The following ADORA2B variants were observed in gnomAD, a reference collection of about 807,000 sequenced individuals.
ADORA2B encodes the protein adenosine receptor A2b.
A neutral mutation model predicts 20.8 loss-of-function variants in ADORA2B; 18 were observed. That is an observed-to-expected ratio of 0.87 (90% CI 0.60 to 1.29). The LOEUF (loss-of-function observed/expected upper bound fraction) is 1.29, where lower values mean the gene tolerates loss of function less well. Ranked by LOEUF, ADORA2B falls within the 50% of genes most tolerant of loss-of-function variation. The probability of loss-of-function intolerance (pLI) is 0.00; values close to 1 mark genes in which losing one functional copy is unlikely to be tolerated. For synonymous variants in ADORA2B, 179 were observed against 178.3 expected, an observed-to-expected ratio of 1.00 and a Z score of -0.03; for missense variants, 441 against 422.7, an observed-to-expected ratio of 1.04 and a Z score of -0.38.
the ADORA2B span, among the ~76,000 whole-genome samples, chr17:15,873,750 T>G: frequency 6.6e-6 from 1 of 152,154 alleles, no homozygotes; most frequent in Non-Finnish European, 1.5e-5. Context: ...ACAATAAATG[T>G]TGGCGTGGAT....
chr17:15,935,763 G>T, the ADORA2B span, among the ~76,000 whole-genome samples: 2 of 151,074 alleles, frequency 1.3e-5, no homozygotes, highest in Non-Finnish European at 2.9e-5. Flanking sequence ...CCTCAAATTG[G>T]ATTATCTCAA....
the ADORA2B span, among the ~76,000 whole-genome samples, chr17:15,857,271 A>G: frequency 6.6e-6 from 1 of 152,202 alleles, no homozygotes; most frequent in Non-Finnish European, 1.5e-5. Context: ...CAGAGGATGT[A>G]TGGAAATGCC....
the ADORA2B span, among the ~76,000 whole-genome samples, chr17:15,881,661 G>C: frequency 6.6e-6 from 1 of 152,216 alleles, no homozygotes; most frequent in Non-Finnish European, 1.5e-5. Context: ...GCACCTCATA[G>C]ACGTGGACTC....
At chr17:15,887,915 C>T in the ADORA2B span, among the ~76,000 whole-genome samples, 4 of 97,416 alleles carry the variant, frequency 4.1e-5, 1 homozygote, top group Non-Finnish European at 5.8e-5. Flanking sequence ...CGTGCCACTG[C>T]ACTCCAGCCT....
At chr17:15,971,482 G>T (rs753346319) in intron 1 of ADORA2B, among the ~76,000 whole-genome samples, 1 of 152,222 alleles carries the variant, frequency 6.6e-6, no homozygotes, top group African/African-American at 2.4e-5. Flanking sequence ...TAAATTATGA[G>T]GCAAGACCTC....
the ADORA2B span, among the ~76,000 whole-genome samples, chr17:15,920,228 G>A: frequency 2.6e-5 from 4 of 152,168 alleles, no homozygotes; most frequent in African/African-American, 7.2e-5. Context: ...GTGCGAAGGC[G>A]GAAGGGAGAG....
Position 15,964,852 on chromosome 17 carries a change from G to A in ADORA2B, c.336-9827G>A, listed in dbSNP as rs1192135797. Among the ~76,000 whole-genome samples, 6 of 152,010 alleles carry A rather than the reference G, an allele frequency of 3.9e-5. No homozygotes were observed. The Middle Eastern group carries it at 0.01, about 259-fold the overall frequency. ...CAAGGTGGGCGAATCACGAGGTCAG[G>A]AGATCGAGACCATCCTGGCTAACAC... On this transcript the variant is annotated intron_variant, in intron 1 of 1. Coordinates refer to ENST00000304222, the MANE Select transcript of ADORA2B (RefSeq NM_000676.4).
chr17:15,863,591 T>G, the ADORA2B span, among the ~76,000 whole-genome samples: 14 of 152,134 alleles, frequency 9.2e-5, no homozygotes, highest in Non-Finnish European at 1.9e-4. Context: ...TGGGCTCAGG[T>G]AATCCTCCTG....
At chr17:15,884,945 A>T in the ADORA2B span, among the ~76,000 whole-genome samples, 21 of 152,192 alleles carry the variant, frequency 1.4e-4, no homozygotes, top group Non-Finnish European at 2.9e-5. Flanking sequence ...CAGAAATGAG[A>T]TTGCTGGGTC....
intron 1 of ADORA2B, among the ~76,000 whole-genome samples, chr17:15,955,407 T>TTTTTGGATTGTTTTTTTTG (rs1409056650): frequency 6.6e-6 from 1 of 151,500 alleles, no homozygotes; most frequent in Non-Finnish European, 1.5e-5. Flanking sequence ...TTTTTTTTGT[T>TTTTTGGATTGTTTTTTTTG]TTTTTTTTTC....
At position 15,975,188 on chromosome 17, in the gene ADORA2B, A is replaced by G. The variant is rs1221848872; in HGVS notation, c.845A>G (p.Asn282Ser). 3.7e-6 allele frequency: 6 copies of G among 1,614,026 alleles called. No individual in the cohort carries two copies. The highest frequency in any genetic ancestry group is 1.7e-5 in the Admixed American group (1 of 60,006). Residue 282 changes from asparagine to serine, a missense_variant, in exon 2 of 2, where the codon AAT (asparagine) becomes AGT (serine). Asn to Ser is a conservative substitution (Grantham distance 46). Transcript: ENST00000304222. ...MNMAILLSHA[N>S]SVVNPIVYAY... ...ATGGCCATTCTTCTGTCACATGCCA[A>G]TTCAGTTGTCAATCCCATTGTCTAT...
chr17:15,876,310 C>T, the ADORA2B span, among the ~76,000 whole-genome samples: 28 of 151,972 alleles, frequency 1.8e-4, no homozygotes, highest in Non-Finnish European at 3.8e-4. Flanking sequence ...AAAATAATTC[C>T]AGTCCTTTGT....
At chr17:15,883,032 C>T in the ADORA2B span, among the ~76,000 whole-genome samples, 1 of 152,300 alleles carries the variant, frequency 6.6e-6, no homozygotes, top group South Asian at 2.1e-4. Context: ...GCATTTTTTC[C>T]ATTCCCTTAC....
intron 1 of ADORA2B, among the ~76,000 whole-genome samples, chr17:15,966,094 G>T (rs1970111957): frequency 6.6e-6 from 1 of 152,172 alleles, no homozygotes; most frequent in Non-Finnish European, 1.5e-5. Flanking sequence ...AAGATAACAT[G>T]AGGTTTTCTA....
At chr17:15,894,610 C>T in the ADORA2B span, among the ~76,000 whole-genome samples, 6 of 152,100 alleles carry the variant, frequency 3.9e-5, no homozygotes, top group Admixed American at 6.5e-5. Context: ...GTGGTAGCAA[C>T]GCAGATGGAA....
chr17:15,875,588 T>C, the ADORA2B span, among the ~76,000 whole-genome samples: 1 of 152,226 alleles, frequency 6.6e-6, no homozygotes, highest in Non-Finnish European at 1.5e-5. Flanking sequence ...CTTAGTTTTC[T>C]TTTGCTTTTT....
the ADORA2B span, among the ~76,000 whole-genome samples, chr17:15,926,988 T>G: frequency 6.6e-6 from 1 of 152,000 alleles, no homozygotes; most frequent in African/African-American, 2.4e-5. Context: ...AAAATAAAAA[T>G]TTAAAAATAA....
the ADORA2B span, among the ~76,000 whole-genome samples, chr17:15,871,396 A>G: frequency 1.4e-4 from 22 of 152,122 alleles, no homozygotes; most frequent in Non-Finnish European, 2.5e-4. Context: ...CCCAGATGCT[A>G]TTGGCAGGCA....
chr17:15,967,030 C>T (rs1427512953), intron 1 of ADORA2B, among the ~76,000 whole-genome samples: 2 of 151,978 alleles, frequency 1.3e-5, no homozygotes, highest in Non-Finnish European at 2.9e-5. Flanking sequence ...TGAGGGTGTT[C>T]GGAGCACAGG....
Sources: allele counts gnomAD v4.1 joint callset (sites outside exome capture counted in the v4.1 genomes callset), GRCh38; gene constraint gnomAD v4.1.1; transcripts MANE v1.5; gene names NCBI Gene and HGNC (gene_info 2026-07-23, HGNC 2026-07-21).